RALYL: variants seen among roughly 807,000 people sequenced by gnomAD.
RALYL encodes RALY RNA binding protein like, also known as RNA-binding Raly-like protein.
Under a neutral mutation model 35.1 loss-of-function variants are expected in RALYL, and 29 were observed. The observed-to-expected ratio is 0.83, with a 90% CI of 0.61 to 1.13. RALYL has a LOEUF of 1.13. RALYL is among the 50% of genes most tolerant of loss of function. The pLI, the probability that RALYL is intolerant of heterozygous loss-of-function variation, is 0.00. For missense variants in RALYL, 359 were observed against 360.4 expected, an observed-to-expected ratio of 1.00 and a Z score of 0.03; for synonymous variants, 120 against 127.6, an observed-to-expected ratio of 0.94 and a Z score of 0.40.
At chr8:84,337,235 A>G (rs1847965134) in intron 1 of RALYL, among the ~76,000 whole-genome samples, 1 of 151,802 alleles carries the variant, frequency 6.6e-6, no homozygotes, top group Non-Finnish European at 1.5e-5. Context: ...TTAAACTGGC[A>G]TTATTTTTCT....
At chr8:84,403,608 A>G (rs2043167512) in intron 1 of RALYL, among the ~76,000 whole-genome samples, 1 of 138,038 alleles carries the variant, frequency 7.2e-6, no homozygotes, top group African/African-American at 2.7e-5. Flanking sequence ...GTTTGAAGTC[A>G]GGTAGCGTGA....
At chr8:84,386,668 G>T (rs1322296144) in intron 1 of RALYL, among the ~76,000 whole-genome samples, 1 of 151,766 alleles carries the variant, frequency 6.6e-6, no homozygotes, top group African/African-American at 2.4e-5. Context: ...GCTATATATT[G>T]GTTACCACAC....
intron 1 of RALYL, among the ~76,000 whole-genome samples, chr8:84,462,601 ATTTTTT>A (rs10667055): frequency 7.3e-6 from 1 of 136,836 alleles, no homozygotes. Context: ...ATCTAGATTC[ATTTTTT>A]TTTTTTTTTG....
chr8:84,477,403 T>G (rs958829180), intron 1 of RALYL, among the ~76,000 whole-genome samples: 14 of 149,674 alleles, frequency 9.4e-5, no homozygotes, highest in Admixed American at 3.3e-4. Context: ...TATATTTATT[T>G]ATTGATCATT....
chr8:84,202,367 A>ATTTTTTTTTTTTTTTTTTTTTTTTTTTTT (rs1187950600), intron 1 of RALYL, among the ~76,000 whole-genome samples: 1 of 113,448 alleles, frequency 8.8e-6, no homozygotes, highest in Non-Finnish European at 1.8e-5. Flanking sequence ...TATTGAAGGG[A>ATTTTTTTTTTTTTTTTTTTTTTTTTTTTT]TTTTTTTTTT....
chr8:84,460,007 G>A (rs973534306), intron 1 of RALYL, among the ~76,000 whole-genome samples: 9 of 151,716 alleles, frequency 5.9e-5, no homozygotes, highest in Admixed American at 2.6e-4. Flanking sequence ...ACAGGAACAA[G>A]GTTTAAAGAT....
chr8:84,297,524 C>T (rs376977148), intron 1 of RALYL, among the ~76,000 whole-genome samples: 3 of 152,112 alleles, frequency 2.0e-5, no homozygotes, highest in African/African-American at 7.2e-5. Flanking sequence ...CATGCACATG[C>T]ATCTGTCTGT....
rs543839884 is a variant in RALYL at position 84,840,218 on chromosome 8, GA to G, written c.366-9753del. Among the ~76,000 whole-genome samples, 11 of 150,528 alleles carry G rather than the reference GA, an allele frequency of 7.3e-5. No homozygotes were observed. In the South Asian group the frequency reaches 8.4e-4, roughly 11 times the overall value. The stretch of plus-strand genomic sequence containing the variant: ...CCATGGCAAAGAAGTAAAAAACCTT[GA>G]AAAAAAAATGAGACAAATGGCTAAC... On this transcript the variant is annotated intron_variant, in intron 4 of 8. Coordinates refer to ENST00000521268, the MANE Select transcript of RALYL (RefSeq NM_173848.7).
At chr8:84,208,191 TATTAA>T (rs1247557821) in intron 1 of RALYL, among the ~76,000 whole-genome samples, 1 of 152,090 alleles carries the variant, frequency 6.6e-6, no homozygotes, top group African/African-American at 2.4e-5. Flanking sequence ...TTCTGTAGAG[TATTAA>T]ATTGTGAAAT....
At chr8:84,734,965 A>G (rs909082782) in intron 2 of RALYL, among the ~76,000 whole-genome samples, 2 of 151,722 alleles carry the variant, frequency 1.3e-5, no homozygotes, top group Non-Finnish European at 2.9e-5. Context: ...ACATGAATAT[A>G]TATATATGTC....
At chr8:84,444,767 C>A (rs2048690948) in intron 1 of RALYL, among the ~76,000 whole-genome samples, 1 of 152,076 alleles carries the variant, frequency 6.6e-6, no homozygotes, top group African/African-American at 2.4e-5. Context: ...AATTTAATTG[C>A]TTAACACACT....
chr8:84,356,978 G>C (rs1333617871), intron 1 of RALYL, among the ~76,000 whole-genome samples: 2 of 152,046 alleles, frequency 1.3e-5, no homozygotes, highest in Admixed American at 6.6e-5. Context: ...TATTTTTGCT[G>C]TAAGGGCGTC....
At chr8:84,233,084 A>G (rs1326838844) in intron 1 of RALYL, among the ~76,000 whole-genome samples, 1 of 151,996 alleles carries the variant, frequency 6.6e-6, no homozygotes, top group Admixed American at 6.6e-5. Context: ...CTGGGCTCAA[A>G]CGATCCACCT....
At chr8:84,754,608 G>A (rs1357906979) in intron 2 of RALYL, among the ~76,000 whole-genome samples, 2 of 152,132 alleles carry the variant, frequency 1.3e-5, no homozygotes, top group African/African-American at 4.8e-5. Flanking sequence ...CCTGCCCTTG[G>A]CAGGATGTTC....
Position 84,474,900 on chromosome 8 carries a change from GGTTT to G in RALYL, c.-23-54383_-23-54380del, listed in dbSNP as rs926826190. Among the ~76,000 whole-genome samples, 63 of 69,572 alleles carry G rather than the reference GGTTT, an allele frequency of 9.1e-4. 1 individual carries two copies. In the East Asian group the frequency reaches 0.021, roughly 23 times the overall value. The allele number at this position is 69,572 out of a possible 152,430, so 45.6% of individuals were successfully genotyped here. A position where few individuals can be genotyped will look rare whatever the true frequency, so the allele number is the denominator to read the frequency against. ...CCCCCAGCCCCACCCCACCCTTTTT[GGTTT>G]GTTTGTTTGTTTGTTGTTTTATTAT... is the stretch of plus-strand genomic sequence containing the variant. On this transcript the variant is annotated intron_variant, in intron 1 of 8. Coordinates refer to ENST00000521268, the MANE Select transcript of RALYL (RefSeq NM_173848.7).
At chr8:84,448,975 T>A (rs2049143648) in intron 1 of RALYL, among the ~76,000 whole-genome samples, 1 of 151,980 alleles carries the variant, frequency 6.6e-6, no homozygotes, top group African/African-American at 2.4e-5. Context: ...GGTGTCATGT[T>A]AATATGCGAA....
intron 1 of RALYL, among the ~76,000 whole-genome samples, chr8:84,379,052 C>T (rs16912744): frequency 0.03 from 4,494 of 151,946 alleles, 216 homozygotes; most frequent in African/African-American, 0.1. Context: ...GCTCCATGTT[C>T]GACAGCCTGT....
At chr8:84,490,662 G>T (rs2055183365) in intron 1 of RALYL, among the ~76,000 whole-genome samples, 1 of 151,478 alleles carries the variant, frequency 6.6e-6, no homozygotes, top group Non-Finnish European at 1.5e-5. Context: ...GCATTTCCAA[G>T]AATATATTTT....
intron 1 of RALYL, among the ~76,000 whole-genome samples, chr8:84,223,106 T>G (rs1822728401): frequency 8.2e-6 from 1 of 121,216 alleles, no homozygotes; most frequent in African/African-American, 3.6e-5. Flanking sequence ...TCCTTTCCTT[T>G]CCTTTCCTTT....
Sources: allele counts gnomAD v4.1 joint callset (sites outside exome capture counted in the v4.1 genomes callset), GRCh38; gene constraint gnomAD v4.1.1; transcripts MANE v1.5; gene names NCBI Gene and HGNC (gene_info 2026-07-23, HGNC 2026-07-21).